The following DCP1B variants were observed in gnomAD, a reference collection of about 807,000 sequenced individuals.
DCP1B encodes the protein decapping mRNA 1B.
Under a neutral mutation model 60.5 loss-of-function variants are expected in DCP1B, and 47 were observed. The observed-to-expected ratio is 0.78, with a 90% confidence interval of 0.61 to 0.99. DCP1B has a LOEUF of 0.99. Ranked by LOEUF, DCP1B falls within the 50% of genes least tolerant of loss-of-function variation. The probability of loss-of-function intolerance (pLI) is 0.00; values close to 1 mark genes in which losing one functional copy is unlikely to be tolerated. For missense variants in DCP1B, 725 were observed against 756.8 expected (o/e 0.96, Z 0.49); for synonymous variants, 267 against 280.3 (o/e 0.95, Z 0.47).
At chr12:1,995,866 C>T (rs111403986) in intron 2 of DCP1B, among the ~76,000 whole-genome samples, 4,167 of 152,260 alleles carry the variant, frequency 0.027, 96 homozygotes, top group Middle Eastern at 0.054. Context: ...CAACTCTAAA[C>T]CATCTCCAGC....
rs577948779 is a variant in DCP1B at position 1,990,434 on chromosome 12, G to C, written c.319+2830C>G. On this transcript the variant is annotated intron_variant, in intron 3 of 8. Coordinates refer to ENST00000280665, the MANE Select transcript of DCP1B (RefSeq NM_152640.5). Reference sequence around the variant, plus strand: ...GTAATCTATTTTGTGTTTGAATGAAGTTACTCTATTTATCAAGCATCTTTT... The same window carrying C: ...GTAATCTATTTTGTGTTTGAATGAACTTACTCTATTTATCAAGCATCTTTT... Among the ~76,000 whole-genome samples the C allele has an allele frequency of 3.2e-4, 48 of 152,198 alleles. No individual in the cohort carries two copies. The South Asian group carries it at 9.5e-3, about 30-fold the overall frequency.
rs992070543 is a variant in DCP1B at position 1,947,482 on chromosome 12, C to T, written c.1774-1196G>A. Among the ~76,000 whole-genome samples the T allele has an allele frequency of 5.9e-5, 9 of 152,196 alleles. No homozygotes were observed. The East Asian group carries it at 1.5e-3, about 26-fold the overall frequency. ...GACTGGGAATATGAGGTGTGGTACA[C>T]GGGAAGAAGTAAAATGCACGCAGAG... On this transcript the variant is annotated intron_variant, in intron 8 of 8. Coordinates refer to ENST00000280665, the MANE Select transcript of DCP1B (RefSeq NM_152640.5).
chr12:1,986,014 C>T (rs534804925), intron 3 of DCP1B, among the ~76,000 whole-genome samples: 37 of 152,224 alleles, frequency 2.4e-4, no homozygotes, highest in Non-Finnish European at 4.1e-4. Flanking sequence ...GGAGTTTCAC[C>T]GTGTTAGCCA....
chr12:1,978,799 C>G (rs1271713629), intron 3 of DCP1B, among the ~76,000 whole-genome samples: 1 of 152,172 alleles, frequency 6.6e-6, no homozygotes, highest in Non-Finnish European at 1.5e-5. Context: ...AGTATATCCT[C>G]TTTTGTAGAT....
rs71057810 is a variant in DCP1B at position 1,953,157 on chromosome 12, T to TTGC, written c.780_782dup (p.Gln261dup). The TTGC allele has an allele frequency of 0.44, 694,757 of 1,561,894 alleles. 119,496 individuals are homozygous for TTGC. The highest frequency in any genetic ancestry group is 0.65 in the East Asian group (26,966 of 41,628). On this transcript the variant is annotated inframe_insertion, in exon 7 of 9. Coordinates refer to ENST00000280665, the MANE Select transcript of DCP1B (RefSeq NM_152640.5). ...CCCCCTGCCTAATTGGAAGCTTCTC[T>TTGC]TGCTGCTGCTGCTGCTGCTGCTGCT...
intron 1 of DCP1B, among the ~76,000 whole-genome samples, chr12:1,999,596 C>T (rs1000377064): frequency 2.6e-5 from 4 of 152,068 alleles, no homozygotes; most frequent in African/African-American, 9.7e-5. Context: ...TGTGGTGGCA[C>T]ATGCCGGTAG....
At position 1,949,319 on chromosome 12, in the gene DCP1B, G is replaced by A. The variant is rs774666569; in HGVS notation, c.1540C>T (p.Arg514Cys). The A allele has an allele frequency of 2.8e-5, 45 of 1,613,830 alleles. No individual in the cohort carries two copies. In the South Asian group the frequency reaches 3.7e-4, roughly 13 times the overall value. ...TPLFQVISPQ[R>C]IPATAAPSLL... is the part of the protein sequence containing the mutation. ...GACGGAGCTGCTGTAGCAGGGATGC[G>A]CTGAGGTGAGATGACCTGCTCACAG... The change falls in exon 8 of 9, where the codon CGC (arginine) becomes TGC (cysteine). Residue 514 changes from arginine to cysteine, a missense_variant. Arg to Cys is a radical substitution (Grantham distance 180, BLOSUM62 -3). Coordinates refer to ENST00000280665, the MANE Select transcript of DCP1B (RefSeq NM_152640.5).
intron 1 of DCP1B, among the ~76,000 whole-genome samples, chr12:1,999,928 A>G (rs117287359): frequency 0.026 from 3,912 of 152,300 alleles, 85 homozygotes; most frequent in Middle Eastern, 0.054. Context: ...TATCCAAGTC[A>G]AAATGAAAAA....
intron 1 of DCP1B, among the ~76,000 whole-genome samples, chr12:2,004,004 G>A (rs2042787987): frequency 6.6e-6 from 1 of 152,102 alleles, no homozygotes; most frequent in South Asian, 2.1e-4. Flanking sequence ...CTTTCCTTCG[G>A]CTCTTATGGT....
At chr12:1,981,618 G>T (rs993583880) in intron 3 of DCP1B, among the ~76,000 whole-genome samples, 1 of 152,122 alleles carries the variant, frequency 6.6e-6, no homozygotes, top group African/African-American at 2.4e-5. Flanking sequence ...AACTGTAAGG[G>T]GGAAGGGATA....
chr12:2,001,511 ACTGT>A (rs546197070), intron 1 of DCP1B, among the ~76,000 whole-genome samples: 76 of 152,344 alleles, frequency 5.0e-4, no homozygotes, highest in Non-Finnish European at 8.2e-4. Flanking sequence ...GACTCTGCAC[ACTGT>A]CTGACACAAA....
chr12:1,966,606 A>G lies in DCP1B; in HGVS notation c.387-913T>C, dbSNP rs1206636888. Among the ~76,000 whole-genome samples the G allele has an allele frequency of 2.6e-5, 4 of 152,146 alleles. No homozygotes were observed. In the South Asian group the frequency reaches 8.3e-4, roughly 32 times the overall value. On this transcript the variant is annotated intron_variant, in intron 4 of 8. Coordinates refer to ENST00000280665, the MANE Select transcript of DCP1B (RefSeq NM_152640.5). ...CAATTTCCTGCCCGAGCTGTTAGGTAATTACTGCAGAATGCTGACAATTAT... is the reference window on the plus strand; with the variant it reads ...CAATTTCCTGCCCGAGCTGTTAGGTGATTACTGCAGAATGCTGACAATTAT...
At chr12:2,000,635 G>A (rs1410806565) in intron 1 of DCP1B, among the ~76,000 whole-genome samples, 1 of 152,146 alleles carries the variant, frequency 6.6e-6, no homozygotes, top group Admixed American at 6.5e-5. Flanking sequence ...TTGTTCATAG[G>A]AAGGAGTTGT....
chr12:1,967,972 T>C, intron 3 of DCP1B, 62 bp from the exon 4 acceptor site: 1 of 1,352,828 alleles, frequency 7.4e-7, no homozygotes, highest in Non-Finnish European at 1.0e-6. Context: ...TAGAAAAAAA[T>C]CTCCTTTCCA....
chr12:1,981,070 C>T (rs2035986296), intron 3 of DCP1B, among the ~76,000 whole-genome samples: 1 of 152,100 alleles, frequency 6.6e-6, no homozygotes, highest in African/African-American at 2.4e-5. Context: ...ATATCTCTTC[C>T]TTGAACTATT....
chr12:1,954,913 A>G (rs544704422), intron 6 of DCP1B, among the ~76,000 whole-genome samples: 1 of 152,188 alleles, frequency 6.6e-6, no homozygotes, highest in Non-Finnish European at 1.5e-5. Context: ...CCCAGGCTGG[A>G]GTGCAGTGGC....
In DCP1B at chr12:1,955,505, T is replaced by A; in HGVS notation, c.578A>T (p.Asn193Ile). Residue 193 changes from asparagine (N) to isoleucine (I), a missense_variant, in exon 6 of 9, where the codon AAT becomes ATT. By Grantham distance (149) the Asn-to-Ile change is moderately radical. Transcript: ENST00000280665. ...KITSSSAIYD[N>I]PNLIKPIPVK... Reference sequence around the variant, plus strand: ...TGGAATTGGTTTGATGAGATTTGGATTGTCATAGATGGCAGAGGAACTGGT... The same window carrying A: ...TGGAATTGGTTTGATGAGATTTGGAATGTCATAGATGGCAGAGGAACTGGT... 1 of 1,613,980 alleles carries A rather than the reference T, an allele frequency of 6.2e-7. No individual in the cohort carries two copies.
chr12:1,983,811 G>A (rs80164052), intron 3 of DCP1B, among the ~76,000 whole-genome samples: 2,127 of 151,812 alleles, frequency 0.014, 34 homozygotes, highest in East Asian at 0.059. Flanking sequence ...TGTAGAAAGT[G>A]GAGCACTAAA....
Position 1,949,333 on chromosome 12 carries a change from A to C in DCP1B, c.1526T>G (p.Val509Gly), listed in dbSNP as rs2030568900. 2.5e-6 allele frequency: 4 copies of C among 1,613,632 alleles called. No individual in the cohort carries two copies. Among genetic ancestry groups the C allele is most frequent in the Non-Finnish European group, 3.4e-6 (4 of 1,179,816 alleles). Reference sequence around the variant, plus strand: ...AGCAGGGATGCGCTGAGGTGAGATGACCTGCTCACAGCAAATACACACAGA... The same window carrying C: ...AGCAGGGATGCGCTGAGGTGAGATGCCCTGCTCACAGCAAATACACACAGA... Reference protein sequence around the residue: ...NTEQQTPLFQVISPQRIPATA... With the variant: ...NTEQQTPLFQGISPQRIPATA... The change falls in exon 8 of 9, where the codon GTC becomes GGC. Residue 509 changes from valine (V) to glycine (G), a missense_variant and splice_region_variant. Val to Gly is a moderately radical substitution (Grantham distance 109). Coordinates refer to ENST00000280665, the MANE Select transcript of DCP1B (RefSeq NM_152640.5).
Sources: allele counts gnomAD v4.1 joint callset (sites outside exome capture counted in the v4.1 genomes callset), GRCh38; gene constraint gnomAD v4.1.1; transcripts MANE v1.5; gene names NCBI Gene and HGNC (gene_info 2026-07-23, HGNC 2026-07-21).